DRAXIN: variants seen among roughly 807,000 people sequenced by gnomAD.
DRAXIN encodes dorsal repulsive axon guidance protein.
In DRAXIN, 27 loss-of-function variants were observed where a neutral mutation model predicts 33.9. The observed-to-expected ratio is 0.80, with a 90% CI of 0.59 to 1.10. DRAXIN has a LOEUF of 1.10. DRAXIN is among the 50% of genes least tolerant of loss of function. DRAXIN has a pLI of 0.00. For missense variants in DRAXIN, 371 were observed against 460.8 expected (o/e 0.81, Z 1.78); for synonymous variants, 178 against 194.0 (o/e 0.92, Z 0.69).
In DRAXIN at chr1:11,706,172, T is replaced by G; in HGVS notation, c.-10-77T>G. ...TCCCTCTATGGCTGTTGAGAAAAACTGGGCTTTAATCATTTGAGTGAGGGG... is the reference window on the plus strand; with the variant it reads ...TCCCTCTATGGCTGTTGAGAAAAACGGGGCTTTAATCATTTGAGTGAGGGG... On this transcript the variant is annotated intron_variant, in intron 1 of 6. Coordinates refer to ENST00000294485, the MANE Select transcript of DRAXIN (RefSeq NM_198545.4). The surrounding 1 kb of genome is among the most constrained non-coding windows in gnomAD (Gnocchi z 5.5). 1 of 1,337,710 alleles carries G rather than the reference T, an allele frequency of 7.5e-7. No homozygotes were observed. The highest frequency in any genetic ancestry group is 1.0e-6 in the Non-Finnish European group (1 of 1,001,114). The allele number at this position is 1,337,710 out of a possible 1,614,324, so 82.9% of individuals were successfully genotyped here.
In DRAXIN at chr1:11,723,862, G is replaced by A. The variant is rs886643258; in HGVS notation, c.*4166G>A. On this transcript the variant is annotated 3_prime_UTR_variant, in exon 7 of 7. Transcript: ENST00000294485. ...CCCGTCTCAGCCTCCCAAAGTGCTG[G>A]GATTACAGGCATGAGCCAGCATGCC... 1 of 152,198 alleles carries A rather than the reference G, an allele frequency of 6.6e-6. No homozygotes were observed. Among genetic ancestry groups the A allele is most frequent in the Non-Finnish European group, 1.5e-5 (1 of 68,074 alleles). 9.4% of individuals were successfully genotyped at this position (152,198 alleles called of 1,614,324 possible).
intron 5 of DRAXIN, among the ~76,000 whole-genome samples, chr1:11,714,250 TA>T (rs1443801721): frequency 6.6e-5 from 10 of 151,582 alleles, no homozygotes; most frequent in East Asian, 1.9e-4. Context: ...TGGGGTGGGC[TA>T]GGGGTGGGAA....
rs185238087 is a variant in DRAXIN at position 11,694,499 on chromosome 1, C to T, written c.-11+2646C>T. ...AGAGAACGAAGTGGCTCACCCCAGC[C>T]GTGCAGATTGGGTTTGAAGCCCAGC... On this transcript the variant is annotated intron_variant, in intron 1 of 6. Coordinates refer to ENST00000294485, the MANE Select transcript of DRAXIN (RefSeq NM_198545.4). This position sits in a 1 kb window ranked among gnomAD's most constrained non-coding sequence, Gnocchi z 4.9. 1.2e-4 allele frequency among the ~76,000 whole-genome samples: 19 copies of T among 152,240 alleles called. No individual in the cohort carries two copies. Among genetic ancestry groups the T allele is most frequent in the African/African-American group, 3.6e-4 (15 of 41,536 alleles).
intron 1 of DRAXIN, among the ~76,000 whole-genome samples, chr1:11,701,168 A>G (rs1641268051): frequency 6.6e-6 from 1 of 152,080 alleles, no homozygotes; most frequent in African/African-American, 2.4e-5. Context: ...CTGGGCCCTG[A>G]CTGCACTCAA....
chr1:11,693,950 G>A (rs1328919038), intron 1 of DRAXIN, among the ~76,000 whole-genome samples: 5 of 152,134 alleles, frequency 3.3e-5, no homozygotes, highest in South Asian at 2.1e-4. Flanking sequence ...TTGCAGCCAC[G>A]ATGGAGAACT....
At chr1:11,695,615 T>C (rs55837746) in intron 1 of DRAXIN, among the ~76,000 whole-genome samples, 3 of 122,920 alleles carry the variant, frequency 2.4e-5, no homozygotes, top group Non-Finnish European at 5.6e-5. Flanking sequence ...AAAAAAAATA[T>C]ATATATATAT....
upstream of DRAXIN, among the ~76,000 whole-genome samples, chr1:11,687,847 C>T (rs72869758): frequency 0.027 from 4,175 of 152,284 alleles, 189 homozygotes; most frequent in African/African-American, 0.094. This position sits in a 1 kb window ranked among gnomAD's most constrained non-coding sequence, Gnocchi z 4.1. Flanking sequence ...GGATAGACCA[C>T]ATCTGCTTAT....
intron 6 of DRAXIN, among the ~76,000 whole-genome samples, chr1:11,715,670 C>T (rs988591291): frequency 6.6e-6 from 1 of 152,082 alleles, no homozygotes; most frequent in Non-Finnish European, 1.5e-5. Flanking sequence ...ATGCACTTGC[C>T]CAGCTGCCTC....
intron 5 of DRAXIN, among the ~76,000 whole-genome samples, chr1:11,713,807 G>C (rs894230794): frequency 3.3e-5 from 5 of 152,174 alleles, no homozygotes; most frequent in African/African-American, 1.2e-4. Context: ...TTGGGAGGCC[G>C]AGATGGGTGG....
upstream of DRAXIN, among the ~76,000 whole-genome samples, chr1:11,687,463 C>T (rs1250738336): frequency 6.6e-6 from 1 of 152,218 alleles, no homozygotes; most frequent in Non-Finnish European, 1.5e-5. This position sits in a 1 kb window ranked among gnomAD's most constrained non-coding sequence, Gnocchi z 4.1. Context: ...TGGTCTCGAA[C>T]TCCTGACCTC....
At chr1:11,711,745 AGGTGGCCTCT>A (rs1641498307) in intron 3 of DRAXIN, 96 bp from the exon 4 acceptor site, 2 of 1,000,138 alleles carry the variant, frequency 2.0e-6, no homozygotes, top group Non-Finnish European at 3.0e-6. Context: ...GCAGAGGATA[AGGTGGCCTCT>A]GAGAAGCCTC....
rs1319788315 is a variant in DRAXIN, at chr1:11,706,703, C to T, written c.445C>T (p.His149Tyr). 1 of 1,571,288 alleles carries T rather than the reference C, an allele frequency of 6.4e-7. No homozygotes were observed. ...HKRRRDRLRLHQGRALVRGPS... is the reference protein window; with the variant it reads ...HKRRRDRLRLYQGRALVRGPS... The stretch of plus-strand genomic sequence containing the variant: ...GAGACGCAGGGACAGGTTGAGGCTG[C>T]ACCAAGGTAGCTGGAGGGCTGCGAG... Residue 149 changes from histidine to tyrosine, a missense_variant, in exon 2 of 7, where the codon CAC becomes TAC. Transcript: ENST00000294485. The surrounding 1 kb of genome is among the most constrained non-coding windows in gnomAD (Gnocchi z 5.5).
chr1:11,722,170 A>T lies in DRAXIN; in HGVS notation c.*2474A>T, dbSNP rs1641666976. The T allele has an allele frequency of 6.6e-6, 1 of 152,246 alleles. No homozygotes were observed. Among genetic ancestry groups the T allele is most frequent in the Non-Finnish European group, 1.5e-5 (1 of 68,060 alleles). The allele number at this position is 152,246 out of a possible 1,614,324, so 9.4% of individuals were successfully genotyped here. A position where few individuals can be genotyped will look rare whatever the true frequency, so the allele number is the denominator to read the frequency against. ...AAGGCAGATCTGCCAGCAGCTTCGTACTTGAGACCAGACAACCCACACATG... is the reference window on the plus strand; with the variant it reads ...AAGGCAGATCTGCCAGCAGCTTCGTTCTTGAGACCAGACAACCCACACATG... On this transcript the variant is annotated 3_prime_UTR_variant, in exon 7 of 7. Coordinates refer to ENST00000294485, the MANE Select transcript of DRAXIN (RefSeq NM_198545.4).
At chr1:11,697,805 T>C (rs764387993) in intron 1 of DRAXIN, among the ~76,000 whole-genome samples, 2 of 152,064 alleles carry the variant, frequency 1.3e-5, no homozygotes, top group Non-Finnish European at 2.9e-5. Flanking sequence ...GAAAGACCCG[T>C]GGAGGGGTAG....
chr1:11,686,761 C>T (rs144746169), upstream of DRAXIN, among the ~76,000 whole-genome samples: 44 of 146,822 alleles, frequency 3.0e-4, no homozygotes, highest in East Asian at 7.3e-3. Flanking sequence ...CAGAAGCCAT[C>T]CTGGGCCACA....
At chr1:11,702,470 A>G (rs1405272694) in intron 1 of DRAXIN, among the ~76,000 whole-genome samples, 1 of 151,128 alleles carries the variant, frequency 6.6e-6, no homozygotes, top group Non-Finnish European at 1.5e-5. Context: ...ATACATACCT[A>G]CACACCCACA....
At chr1:11,699,845 T>A (rs951658070) in intron 1 of DRAXIN, among the ~76,000 whole-genome samples, 29 of 152,222 alleles carry the variant, frequency 1.9e-4, no homozygotes, top group African/African-American at 7.0e-4. Flanking sequence ...GAGAATCGTT[T>A]GAACCTAGAA....
Position 11,694,371 on chromosome 1 carries a change from G to C in DRAXIN, c.-11+2518G>C, listed in dbSNP as rs1018339522. 2.0e-5 allele frequency among the ~76,000 whole-genome samples: 3 copies of C among 151,974 alleles called. No homozygotes were observed. Among genetic ancestry groups the C allele is most frequent in the Admixed American group, 6.6e-5 (1 of 15,264 alleles). On this transcript the variant is annotated intron_variant, in intron 1 of 6. Coordinates refer to ENST00000294485, the MANE Select transcript of DRAXIN (RefSeq NM_198545.4). The surrounding 1 kb of genome is among the most constrained non-coding windows in gnomAD (Gnocchi z 4.9). ...TGGCCCTCTGGCTGGGGAGGTTGGA[G>C]GGGGAGCAAGCTGCCCGGAAACCCC... is the stretch of plus-strand genomic sequence containing the variant.
At chr1:11,716,358 C>G (rs1280420862) in intron 6 of DRAXIN, among the ~76,000 whole-genome samples, 4 of 152,234 alleles carry the variant, frequency 2.6e-5, no homozygotes, top group Non-Finnish European at 5.9e-5. Context: ...AGGTATTTCA[C>G]CTGTGAATAT....
Sources: gnomAD v4.1 joint callset for allele counts (sites outside exome capture counted in the v4.1 genomes callset) on GRCh38, gnomAD v4.1.1 for gene constraint, Gnocchi (gnomAD v3.1) non-coding constraint, MANE v1.5 for transcripts, NCBI Gene and HGNC (gene_info 2026-07-23, HGNC 2026-07-21) for gene names.